CEP63: variants seen among roughly 807,000 people sequenced by gnomAD.
The protein encoded by CEP63 is centrosomal protein 63.
Under a neutral mutation model 89.1 loss-of-function variants are expected in CEP63, and 84 were observed. The ratio of observed to expected loss-of-function variants is 0.94; its 90% confidence interval spans 0.79 to 1.13. The LOEUF is 1.13. Ranked by LOEUF, CEP63 falls within the 50% of genes most tolerant of loss-of-function variation. CEP63 has a pLI of 0.00. For missense variants in CEP63, 838 were observed against 813.3 expected, an observed-to-expected ratio of 1.03 and a Z score of -0.37; for synonymous variants, 267 against 272.5, an observed-to-expected ratio of 0.98 and a Z score of 0.20.
the CEP63 span, among the ~76,000 whole-genome samples, chr3:134,637,320 G>T: frequency 6.6e-6 from 1 of 152,244 alleles, no homozygotes; most frequent in Non-Finnish European, 1.5e-5. Context: ...GCATGGGCCT[G>T]TTCTTTTCCT....
intron 2 of CEP63, among the ~76,000 whole-genome samples, chr3:134,506,559 G>T (rs1267228914): frequency 6.6e-6 from 1 of 152,164 alleles, no homozygotes; most frequent in African/African-American, 2.4e-5. Context: ...TTGGGCTTTA[G>T]GTTGGCTATG....
At chr3:134,737,777 T>G in the CEP63 span, among the ~76,000 whole-genome samples, 1 of 152,170 alleles carries the variant, frequency 6.6e-6, no homozygotes, top group Non-Finnish European at 1.5e-5. Context: ...AATGGCTCAA[T>G]GTAGGTTATT....
In CEP63 at chr3:134,500,805, GT is replaced by G. The variant is rs111800331; in HGVS notation, c.44+5450del. ...AAGTTGTCAGTTCGCTCTGTCGGTA[GT>G]TTTTTTTTCTGTGCAGAAGCTCTTT... On this transcript the variant is annotated intron_variant, in intron 2 of 14. Transcript: ENST00000675561. Among the ~76,000 whole-genome samples, 962 of 151,450 alleles carry G rather than the reference GT, an allele frequency of 6.4e-3. 6 individuals carry two copies. The highest frequency in any genetic ancestry group is 0.022 in the African/African-American group (923 of 41,288).
the CEP63 span, among the ~76,000 whole-genome samples, chr3:134,778,849 C>T: frequency 1.3e-5 from 2 of 152,156 alleles, no homozygotes; most frequent in Non-Finnish European, 2.9e-5. Context: ...CGTGAGCCAC[C>T]GCGCGGCCAT....
intron 1 of CEP63, among the ~76,000 whole-genome samples, chr3:134,491,563 T>C (rs1297495188): frequency 6.6e-6 from 1 of 152,252 alleles, no homozygotes; most frequent in Non-Finnish European, 1.5e-5. Context: ...TCTCAGACTT[T>C]CTCATTGTTC....
At chr3:134,645,773 T>TC in the CEP63 span, among the ~76,000 whole-genome samples, 1 of 152,224 alleles carries the variant, frequency 6.6e-6, no homozygotes, top group South Asian at 2.1e-4. Flanking sequence ...TCATCTTCTA[T>TC]CAGCTGACAC....
At chr3:134,620,163 G>C in the CEP63 span, among the ~76,000 whole-genome samples, 1 of 152,110 alleles carries the variant, frequency 6.6e-6, no homozygotes. Flanking sequence ...CTGCAGCTCT[G>C]CTTGACCCGG....
At chr3:134,659,946 C>T in the CEP63 span, among the ~76,000 whole-genome samples, 2 of 152,166 alleles carry the variant, frequency 1.3e-5, no homozygotes, top group Non-Finnish European at 2.9e-5. Context: ...CTAATAGGAG[C>T]CACGGGTATT....
intron 1 of CEP63, chr3:134,486,670 T>C (rs1935547523): frequency 2.4e-6 from 1 of 413,248 alleles, no homozygotes; most frequent in Admixed American, 6.4e-5. Context: ...GCTAGCGCTG[T>C]TGGGACTACT....
chr3:134,753,856 A>C, the CEP63 span, among the ~76,000 whole-genome samples: 263 of 151,052 alleles, frequency 1.7e-3, no homozygotes, highest in African/African-American at 6.0e-3. Context: ...ACCGTTTTGC[A>C]ATACTGCCTC....
rs1935703889 is a variant in CEP63 at position 134,486,955 on chromosome 3, C to G, written c.-26+753C>G. Among the ~76,000 whole-genome samples the G allele has an allele frequency of 2.0e-5, 3 of 152,276 alleles. No homozygotes were observed. The South Asian group carries it at 6.2e-4, about 32-fold the overall frequency. ...TTATAATGTGGTTTTTCTTACGTCC[C>G]TTACGACATCAGGAGAGTAAAGATG... is the stretch of plus-strand genomic sequence containing the variant. On this transcript the variant is annotated intron_variant, in intron 1 of 14. Coordinates refer to ENST00000675561, the MANE Select transcript of CEP63 (RefSeq NM_001353108.3).
In CEP63 at chr3:134,486,515, CT is replaced by C. The variant is rs542762913; in HGVS notation, c.-26+314del. Reference sequence around the variant, plus strand: ...GGCCCCGCCAGGTGGTCAGCCCTTCCTCGGAGTCCAGGTGGCTGGGGGCGCT... The same window carrying C: ...GGCCCCGCCAGGTGGTCAGCCCTTCCCGGAGTCCAGGTGGCTGGGGGCGCT... On this transcript the variant is annotated intron_variant, in intron 1 of 14. Transcript: ENST00000675561. The C allele has an allele frequency of 5.0e-3, 4,901 of 985,836 alleles. 14 individuals carry two copies. Among genetic ancestry groups the C allele is most frequent in the Non-Finnish European group, 5.4e-3 (4,512 of 830,258 alleles). 61.1% of individuals were successfully genotyped at this position (985,836 alleles called of 1,614,324 possible).
chr3:134,650,848 C>T, the CEP63 span: 2 of 1,606,570 alleles, frequency 1.2e-6, no homozygotes, highest in African/African-American at 1.3e-5. Flanking sequence ...CAGCAGCGAG[C>T]TCGGGTTCGC....
chr3:134,772,408 C>A, the CEP63 span, among the ~76,000 whole-genome samples: 1 of 152,176 alleles, frequency 6.6e-6, no homozygotes, highest in East Asian at 1.9e-4. Context: ...AGACACTTGG[C>A]TTGTGGACAC....
chr3:134,619,115 G>A, the CEP63 span: 26 of 1,541,270 alleles, frequency 1.7e-5, no homozygotes, highest in Middle Eastern at 9.5e-4. Context: ...GGATGGGTCC[G>A]GTGGTCAGCA....
At chr3:134,608,059 C>T in the CEP63 span, 1 of 1,073,344 alleles carries the variant, frequency 9.3e-7, no homozygotes, top group Non-Finnish European at 1.1e-6. Flanking sequence ...CCCCAACTCT[C>T]TGTCTTGGGT....
At chr3:134,658,696 C>A in the CEP63 span, among the ~76,000 whole-genome samples, 1 of 152,158 alleles carries the variant, frequency 6.6e-6, no homozygotes, top group South Asian at 2.1e-4. Flanking sequence ...CTACAGGGAA[C>A]GAAGAAGAAG....
In CEP63 at chr3:134,534,206, T is replaced by C. The variant is rs901382376; in HGVS notation, c.441+1306T>C. On this transcript the variant is annotated intron_variant, in intron 5 of 14. Coordinates refer to ENST00000675561, the MANE Select transcript of CEP63 (RefSeq NM_001353108.3). ...TCTGACATTACTCTTATCATAACTT[T>C]GAGGATCTTAGGATCTGGAGAGATG... 2.0e-5 allele frequency among the ~76,000 whole-genome samples: 3 copies of C among 152,320 alleles called. No individual in the cohort carries two copies. The East Asian group carries it at 5.8e-4, about 29-fold the overall frequency.
chr3:134,541,890 A>G (rs976822875), intron 6 of CEP63, among the ~76,000 whole-genome samples: 1 of 152,186 alleles, frequency 6.6e-6, no homozygotes, highest in Non-Finnish European at 1.5e-5. Context: ...TAAAAAGTAC[A>G]GTTGTTAAAC....
Sources: gnomAD v4.1 joint callset for allele counts (sites outside exome capture counted in the v4.1 genomes callset) on GRCh38, gnomAD v4.1.1 for gene constraint, MANE v1.5 for transcripts, NCBI Gene and HGNC (gene_info 2026-07-23, HGNC 2026-07-21) for gene names.